Variants in PLEKHA6 observed in about 807,000 individuals in gnomAD.
PLEKHA6 encodes pleckstrin homology domain-containing family A member 6.
In PLEKHA6, 60 loss-of-function variants were observed where a neutral mutation model predicts 116.7. That is an observed-to-expected ratio of 0.51 (90% CI 0.42 to 0.64). The LOEUF (loss-of-function observed/expected upper bound fraction) is 0.64, where lower values mean the gene tolerates loss of function less well. Ranked by LOEUF, PLEKHA6 falls within the 30% of genes least tolerant of loss-of-function variation. The probability of loss-of-function intolerance (pLI) is 0.00; values close to 1 mark genes in which losing one functional copy is unlikely to be tolerated. For missense variants in PLEKHA6, 1,338 were observed against 1,422.7 expected, an observed-to-expected ratio of 0.94 and a Z score of 0.96; for synonymous variants, 489 against 556.1, an observed-to-expected ratio of 0.88 and a Z score of 1.70.
At chr1:204,296,910 G>A (rs918088940) in intron 1 of PLEKHA6, among the ~76,000 whole-genome samples, 1 of 152,172 alleles carries the variant, frequency 6.6e-6, no homozygotes, top group Admixed American at 6.5e-5. Flanking sequence ...TTGAGGCATC[G>A]CAGAGTGAAG....
At chr1:204,313,266 A>G (rs1312119840) in intron 1 of PLEKHA6, among the ~76,000 whole-genome samples, 2 of 152,098 alleles carry the variant, frequency 1.3e-5, no homozygotes, top group Non-Finnish European at 2.9e-5. Context: ...ATGGTTCCTG[A>G]CTAATCGCCC....
chr1:204,238,822 G>C lies in PLEKHA6; in HGVS notation c.2409+2553C>G, dbSNP rs1418360128. Among the ~76,000 whole-genome samples, 2 of 152,196 alleles carry C rather than the reference G, an allele frequency of 1.3e-5. No individual in the cohort carries two copies. The highest frequency in any genetic ancestry group is 2.4e-5 in the African/African-American group (1 of 41,454). On this transcript the variant is annotated intron_variant, in intron 17 of 22. Transcript: ENST00000272203. This position sits in a 1 kb window ranked among gnomAD's most constrained non-coding sequence, Gnocchi z 4.2. Reference sequence around the variant, plus strand: ...GCTGCAGCACTACAGCCCCTTTCTAGGACATCCCTGAAGAATAGCAGTGAA... The same window carrying C: ...GCTGCAGCACTACAGCCCCTTTCTACGACATCCCTGAAGAATAGCAGTGAA...
chr1:204,363,848 TG>T (rs1455466730), upstream of PLEKHA6, among the ~76,000 whole-genome samples: 20 of 152,090 alleles, frequency 1.3e-4, no homozygotes, highest in South Asian at 2.1e-4. Flanking sequence ...AGCCCTCTTG[TG>T]GATTCTTGCG....
At chr1:204,300,319 C>G (rs11240717) in intron 1 of PLEKHA6, among the ~76,000 whole-genome samples, 3,102 of 152,294 alleles carry the variant, frequency 0.02, 89 homozygotes, top group African/African-American at 0.07. Context: ...CAAGGGAACA[C>G]TTCTCCAGCC....
At chr1:204,374,072 T>C (rs990817436) in intron 1 of PLEKHA6, among the ~76,000 whole-genome samples, 2 of 152,120 alleles carry the variant, frequency 1.3e-5, no homozygotes, top group African/African-American at 4.8e-5. Flanking sequence ...TCTACCCCAC[T>C]GGATATCACA....
intron 3 of PLEKHA6, among the ~76,000 whole-genome samples, chr1:204,365,088 G>T (rs181468554): frequency 6.6e-6 from 1 of 152,272 alleles, no homozygotes; most frequent in Non-Finnish European, 1.5e-5. Context: ...AGCGAATGTT[G>T]AGGGAACCAC....
At chr1:204,296,865 T>C (rs1046857955) in intron 1 of PLEKHA6, among the ~76,000 whole-genome samples, 7 of 152,176 alleles carry the variant, frequency 4.6e-5, no homozygotes, top group African/African-American at 1.7e-4. Flanking sequence ...CTCAGTACTC[T>C]GTGTCTGCAG....
intron 1 of PLEKHA6, among the ~76,000 whole-genome samples, chr1:204,349,134 G>A (rs1357768283): frequency 6.6e-6 from 1 of 152,338 alleles, no homozygotes; most frequent in Admixed American, 6.5e-5. Flanking sequence ...CAGCAGACAA[G>A]AGGAGCCTGA....
intron 17 of PLEKHA6, among the ~76,000 whole-genome samples, chr1:204,234,926 T>G (rs188353347): frequency 7.2e-6 from 1 of 139,180 alleles, no homozygotes. Flanking sequence ...CTTGGGATCA[T>G]GTAAGTTAAT....
In PLEKHA6 at chr1:204,359,545, A is replaced by T. The variant is rs76321438; in HGVS notation, c.-95+149T>A. 3.7e-4 allele frequency: 339 copies of T among 918,114 alleles called. 7 individuals carry two copies. The East Asian group carries it at 0.031, about 83-fold the overall frequency. The allele number at this position is 918,114 out of a possible 1,614,324, so 56.9% of individuals were successfully genotyped here. On this transcript the variant is annotated intron_variant, in intron 1 of 22. Coordinates refer to ENST00000272203, the MANE Select transcript of PLEKHA6 (RefSeq NM_014935.5). ...TTCTCAGCATCCATGATCCCCAAGTAAGGCTGCCAAGGATGAGAGATGGGG... is the reference window on the plus strand; with the variant it reads ...TTCTCAGCATCCATGATCCCCAAGTTAGGCTGCCAAGGATGAGAGATGGGG...
rs1179630039 is a variant in PLEKHA6 at position 204,259,106 on chromosome 1, GCAAGC to G, written c.1007+147_1007+151del. 18 of 878,704 alleles carry G rather than the reference GCAAGC, an allele frequency of 2.0e-5. No homozygotes were observed. In the Middle Eastern group the frequency reaches 1.0e-3, roughly 49 times the overall value. The allele number at this position is 878,704 out of a possible 1,614,324, so 54.4% of individuals were successfully genotyped here. On this transcript the variant is annotated intron_variant, in intron 8 of 22. Coordinates refer to ENST00000272203, the MANE Select transcript of PLEKHA6 (RefSeq NM_014935.5). The surrounding 1 kb of genome is among the most constrained non-coding windows in gnomAD (Gnocchi z 4.6). ...GAGCCATGGGGCAGGCAGGATTTGG[GCAAGC>G]CAGGAAGCATGGGATTTGCTTGGTT...
At position 204,244,966 on chromosome 1, in the gene PLEKHA6, G is replaced by A; in HGVS notation, c.2070C>T (p.Ser690=). ...TGGCAGAGCTGAGGGGGCTGGCCGG[G>A]CTGTTGGAGCTGTAGGTGGCTGAGG... The part of the protein sequence containing the change: ...LGPSATYSSN[S]PASPLSSASL... Residue 690 remains serine, a synonymous_variant, in exon 15 of 23, where the codon AGC becomes AGT. Transcript: ENST00000272203. 1 of 1,464,204 alleles carries A rather than the reference G, an allele frequency of 6.8e-7. No homozygotes were observed. The highest frequency in any genetic ancestry group is 9.0e-7 in the Non-Finnish European group (1 of 1,106,448). 90.7% of individuals were successfully genotyped at this position (1,464,204 alleles called of 1,614,324 possible).
At chr1:204,353,563 G>A (rs1030997228) in intron 1 of PLEKHA6, among the ~76,000 whole-genome samples, 4 of 152,186 alleles carry the variant, frequency 2.6e-5, no homozygotes, top group Admixed American at 6.5e-5. Flanking sequence ...AGGGCCACCG[G>A]GAGCATATGG....
chr1:204,225,629 T>C (rs1475599174), intron 21 of PLEKHA6, among the ~76,000 whole-genome samples: 2 of 152,190 alleles, frequency 1.3e-5, no homozygotes, highest in Non-Finnish European at 2.9e-5. Context: ...AATACATGCA[T>C]TCATAAACAC....
intron 17 of PLEKHA6, among the ~76,000 whole-genome samples, chr1:204,240,956 A>T (rs1173550360): frequency 4.6e-5 from 7 of 152,176 alleles, no homozygotes; most frequent in Non-Finnish European, 1.0e-4. Flanking sequence ...CTCCCAGCCT[A>T]CATTTTTCTC....
At chr1:204,256,420 G>A (rs1374934460) in intron 9 of PLEKHA6, among the ~76,000 whole-genome samples, 3 of 152,126 alleles carry the variant, frequency 2.0e-5, no homozygotes, top group Non-Finnish European at 2.9e-5. Context: ...TCCAGGCAAA[G>A]GACAAACATG....
In PLEKHA6 at chr1:204,374,359, C is replaced by T. The variant is rs376014323; in HGVS notation, c.84-2753G>A. Reference sequence around the variant, plus strand: ...ATCTGCAGAGTGCTCCAAGCCTTTCCGGCTAACCTCAGGTCCCAGGGCTGC... The same window carrying T: ...ATCTGCAGAGTGCTCCAAGCCTTTCTGGCTAACCTCAGGTCCCAGGGCTGC... On this transcript the variant is annotated intron_variant, in intron 1 of 4. Coordinates refer to the PLEKHA6 transcript ENST00000564627. 1.9e-3 allele frequency among the ~76,000 whole-genome samples: 293 copies of T among 152,302 alleles called. 9 individuals are homozygous for T. The South Asian group carries it at 0.054, about 28-fold the overall frequency.
chr1:204,261,156 GC>G lies in PLEKHA6; in HGVS notation c.524+149del. 1.1e-6 allele frequency: 1 copy of G among 873,114 alleles called. No individual in the cohort carries two copies. The highest frequency in any genetic ancestry group is 1.8e-6 in the Non-Finnish European group (1 of 549,858). The allele number at this position is 873,114 out of a possible 1,614,324, so 54.1% of individuals were successfully genotyped here. On this transcript the variant is annotated intron_variant, in intron 7 of 22. Transcript: ENST00000272203. The surrounding 1 kb of genome is among the most constrained non-coding windows in gnomAD (Gnocchi z 4.0). ...TCAGGCTCTGAAATCACTCAGCCAG[GC>G]CTCCCGCCTGGATGCAAGGAGACGG... is the stretch of plus-strand genomic sequence containing the variant.
At chr1:204,246,405 C>T (rs1261041237) in intron 13 of PLEKHA6, among the ~76,000 whole-genome samples, 2 of 152,248 alleles carry the variant, frequency 1.3e-5, no homozygotes, top group Admixed American at 1.3e-4. Context: ...GAAGTTAGCG[C>T]CCTTGACCAC....
Sources: gnomAD v4.1 joint callset for allele counts (sites outside exome capture counted in the v4.1 genomes callset) on GRCh38, gnomAD v4.1.1 for gene constraint, Gnocchi (gnomAD v3.1) non-coding constraint, MANE v1.5 for transcripts, NCBI Gene and HGNC (gene_info 2026-07-23, HGNC 2026-07-21) for gene names.